Variants in GLI4 observed in about 807,000 individuals in gnomAD.
GLI4 encodes the protein GLI family zinc finger 4, also known as zinc finger protein GLI4.
GLI4 carries 34 observed loss-of-function variants against 30.9 expected under a neutral mutation model. The observed-to-expected ratio is 1.10, with a 90% CI of 0.84 to 1.47. The LOEUF (loss-of-function observed/expected upper bound fraction) is 1.47, where lower values mean the gene tolerates loss of function less well. Among genes scored for constraint, GLI4 ranks in the 40% most tolerant of loss-of-function variants. GLI4 has a pLI of 0.00. For missense variants in GLI4, 696 were observed against 538.9 expected, an observed-to-expected ratio of 1.29 and a Z score of -2.89; for synonymous variants, 277 against 236.7, an observed-to-expected ratio of 1.17 and a Z score of -1.56.
chr8:143,275,798 G>C, intron 3 of GLI4, 99 bp from the exon 4 acceptor site: 1 of 1,243,594 alleles, frequency 8.0e-7, no homozygotes, highest in Non-Finnish European at 1.0e-6. Flanking sequence ...TCCCCTCTAA[G>C]CCCCCCCGTC....
intron 1 of GLI4, chr8:143,267,767 C>T (rs1460545187): frequency 1.6e-5 from 16 of 985,022 alleles, no homozygotes; most frequent in Non-Finnish European, 1.8e-5. Context: ...CTGTCGTCAT[C>T]GCCACTCTGC....
intron 2 of GLI4, among the ~76,000 whole-genome samples, chr8:143,271,223 A>C (rs1222004516): frequency 6.6e-6 from 1 of 152,138 alleles, no homozygotes; most frequent in Non-Finnish European, 1.5e-5. Flanking sequence ...TGAGAACAGC[A>C]AGTGTGGCTG....
At chr8:143,267,732 T>C (rs1815168842) in intron 1 of GLI4, 3 of 985,294 alleles carry the variant, frequency 3.0e-6, no homozygotes, top group East Asian at 2.3e-4. Context: ...GCAGGGCGCC[T>C]TTCCCAGGCA....
At chr8:143,273,948 G>A (rs561279238) in intron 2 of GLI4, among the ~76,000 whole-genome samples, 12 of 152,182 alleles carry the variant, frequency 7.9e-5, no homozygotes, top group Admixed American at 3.9e-4. Flanking sequence ...CCCTGCTGGC[G>A]TGAGGAGAGC....
chr8:143,274,658 A>G (rs1278804205), intron 2 of GLI4, 46 bp from the exon 3 acceptor site: 8 of 1,510,222 alleles, frequency 5.3e-6, no homozygotes, highest in East Asian at 2.5e-5. Flanking sequence ...GAGCGGAGGC[A>G]GTGGTCCAGA....
rs768626256 is a variant in GLI4 at position 143,276,309 on chromosome 8, C to T, written c.636C>T (p.Ala212=). Reference sequence around the variant, plus strand: ...TCCACACGGGCGAGAAGCCCTACGCCTGCCACGAGTGCGGCAAGCGCTTCC... The same window carrying T: ...TCCACACGGGCGAGAAGCCCTACGCTTGCCACGAGTGCGGCAAGCGCTTCC... The part of the protein sequence containing the change: ...QRIHTGEKPY[A]CHECGKRFRG... The change falls in exon 4 of 4, where the codon GCC becomes GCT. Residue 212 remains alanine, a synonymous_variant. Coordinates refer to ENST00000340042, the MANE Select transcript of GLI4 (RefSeq NM_138465.4). 4.4e-6 allele frequency: 7 copies of T among 1,599,414 alleles called. No homozygotes were observed. The East Asian group carries it at 9.2e-5, about 21-fold the overall frequency.
chr8:143,275,612 T>G (rs1815365834), intron 3 of GLI4: 5 of 1,237,296 alleles, frequency 4.0e-6, no homozygotes, highest in South Asian at 7.4e-5. Flanking sequence ...TGGTCTGTCT[T>G]GCCACTGTGG....
At chr8:143,268,247 G>A (rs893249281) in intron 1 of GLI4, 2 of 199,164 alleles carry the variant, frequency 1.0e-5, no homozygotes, top group African/African-American at 2.4e-5. Context: ...TGTGGGAGCT[G>A]CCTCTCCCAC....
chr8:143,275,210 C>T (rs772539209), intron 3 of GLI4: 10 of 1,535,462 alleles, frequency 6.5e-6, no homozygotes, highest in Middle Eastern at 3.3e-4. Context: ...CTCCCCTCAG[C>T]CTGGTTGGAG....
At chr8:143,275,239 C>G (rs1346904784) in intron 3 of GLI4, 2 of 1,529,362 alleles carry the variant, frequency 1.3e-6, no homozygotes. Flanking sequence ...AGGTCCCCTG[C>G]ACCTCCCCCT....
chr8:143,275,197 G>A (rs1013942914), intron 3 of GLI4: 62 of 1,535,468 alleles, frequency 4.0e-5, no homozygotes, highest in Non-Finnish European at 4.9e-5. Flanking sequence ...TCCCCTAGAT[G>A]GCCTCCCCTC....
rs1489825101 is a variant in GLI4 at position 143,276,908 on chromosome 8, A to G, written c.*104A>G. ...CAGCACCGCATGCCACGTGTCCGGA[A>G]TAAATTCTTTTTGATTGTTGGAAGT... is the stretch of plus-strand genomic sequence containing the variant. On this transcript the variant is annotated 3_prime_UTR_variant, in exon 4 of 4. Transcript: ENST00000340042. 41 of 752,542 alleles carry G rather than the reference A, an allele frequency of 5.4e-5. No individual in the cohort carries two copies. The Admixed American group carries it at 1.1e-3, about 21-fold the overall frequency. 46.6% of individuals were successfully genotyped at this position (752,542 alleles called of 1,614,324 possible).
intron 2 of GLI4, among the ~76,000 whole-genome samples, chr8:143,270,658 C>T (rs1369135943): frequency 2.6e-5 from 4 of 152,198 alleles, no homozygotes; most frequent in African/African-American, 4.8e-5. Flanking sequence ...CCCTTGCCCT[C>T]TCATGTCATC....
chr8:143,268,172 C>G, intron 1 of GLI4: 1 of 793,964 alleles, frequency 1.3e-6, no homozygotes, highest in Non-Finnish European at 1.5e-6. Flanking sequence ...TACCTGGTGA[C>G]CTGACCCTTC....
rs572265444 is a variant in GLI4 at position 143,272,787 on chromosome 8, C to T, written c.125-1917C>T. Among the ~76,000 whole-genome samples the T allele has an allele frequency of 2.6e-5, 4 of 152,302 alleles. No homozygotes were observed. The East Asian group carries it at 7.7e-4, about 29-fold the overall frequency. Reference sequence around the variant, plus strand: ...CACCTGACCCTAGGCCACCCCCATCCTCCCCTAGAGAAGGTCCTAGGAAGT... The same window carrying T: ...CACCTGACCCTAGGCCACCCCCATCTTCCCCTAGAGAAGGTCCTAGGAAGT... On this transcript the variant is annotated intron_variant, in intron 2 of 3. Coordinates refer to ENST00000340042, the MANE Select transcript of GLI4 (RefSeq NM_138465.4).
rs1252238923 is a variant in GLI4 at position 143,274,758 on chromosome 8, A to G, written c.179A>G (p.Gln60Arg). ...VLSQPSDLDL[Q>R]DVEEVEIGRD... ...TCCCAGCCGTCCGACCTGGATCTCC[A>G]AGACGTAGAGGAAGTGGAGATCGGC... Residue 60 changes from glutamine to arginine, a missense_variant, in exon 3 of 4, where the codon CAA (glutamine) becomes CGA (arginine). By Grantham distance (43) the Gln-to-Arg change is conservative. Coordinates refer to ENST00000340042, the MANE Select transcript of GLI4 (RefSeq NM_138465.4). The G allele has an allele frequency of 6.4e-7, 1 of 1,572,210 alleles. No individual in the cohort carries two copies. Among genetic ancestry groups the G allele is most frequent in the Admixed American group, 1.8e-5 (1 of 56,238 alleles).
In GLI4 at chr8:143,269,495, G is replaced by A; in HGVS notation, c.99G>A (p.Gln33=). Reference sequence around the variant, plus strand: ...CTGGAACCCAGCACCACGAGCCTCAGCTTCACCTCCATGGGCATCAACATG... The same window carrying A: ...CTGGAACCCAGCACCACGAGCCTCAACTTCACCTCCATGGGCATCAACATG... ...GTPGTQHHEP[Q]LHLHGHQHGS... is the part of the protein sequence containing the mutation. The change falls in exon 2 of 4, where the codon CAG becomes CAA. Residue 33 remains glutamine (Q), a synonymous_variant. Transcript: ENST00000340042. The A allele has an allele frequency of 6.2e-6, 10 of 1,613,186 alleles. No homozygotes were observed. The highest frequency in any genetic ancestry group is 8.5e-6 in the Non-Finnish European group (10 of 1,179,626).
chr8:143,272,847 C>T (rs982785967), intron 2 of GLI4, among the ~76,000 whole-genome samples: 8 of 152,180 alleles, frequency 5.3e-5, no homozygotes, highest in African/African-American at 1.9e-4. Context: ...TCCCAGGGAG[C>T]TGGGGGCCAT....
chr8:143,269,329 C>A, intron 1 of GLI4, 31 bp from the exon 2 acceptor site: 1 of 1,556,668 alleles, frequency 6.4e-7, no homozygotes, highest in Non-Finnish European at 8.8e-7. Context: ...CTCCCAATCC[C>A]CTCATCTGCC....
Sources: gnomAD v4.1 joint callset for allele counts (sites outside exome capture counted in the v4.1 genomes callset) on GRCh38, gnomAD v4.1.1 for gene constraint, MANE v1.5 for transcripts, NCBI Gene and HGNC (gene_info 2026-07-23, HGNC 2026-07-21) for gene names.